The following SLCO4C1 variants were observed in gnomAD, a reference collection of about 807,000 sequenced individuals.
The protein encoded by SLCO4C1 is organic anion transporter M1.
A neutral mutation model predicts 72.1 loss-of-function variants in SLCO4C1; 58 were observed. The ratio of observed to expected loss-of-function variants is 0.80; its 90% CI spans 0.65 to 1.00. The LOEUF (loss-of-function observed/expected upper bound fraction) is 1.00. Among genes scored for constraint, SLCO4C1 ranks in the 50% least tolerant of loss-of-function variants. The probability of loss-of-function intolerance (pLI) is 0.00; values close to 1 mark genes in which losing one functional copy is unlikely to be tolerated. For missense variants in SLCO4C1, 898 were observed against 857.9 expected (o/e 1.05, Z -0.58); for synonymous variants, 297 against 312.5 (o/e 0.95, Z 0.52).
At chr5:102,287,635 C>A (rs1419320898) in intron 2 of SLCO4C1, among the ~76,000 whole-genome samples, 2 of 151,036 alleles carry the variant, frequency 1.3e-5, no homozygotes, top group African/African-American at 4.9e-5. Context: ...ACCTCGGCCT[C>A]CCTGCTTCAA....
Position 102,270,766 on chromosome 5 carries a change from A to G in SLCO4C1, c.660T>C (p.Ser220=). The part of the protein sequence containing the change: ...VTTRNSTSCT[S]STSSLSNYLY... ...AGTAGTTAGAAAGTGAAGAAGTTGA[A>G]GATGTACAACTGGTGCTATTCCTTG... The change falls in exon 3 of 13, where the codon TCT becomes TCC. Residue 220 remains serine (S), a synonymous_variant. Transcript: ENST00000310954. 1 of 1,612,490 alleles carries G rather than the reference A, an allele frequency of 6.2e-7. No homozygotes were observed. The highest frequency in any genetic ancestry group is 8.5e-7 in the Non-Finnish European group (1 of 1,179,094).
chr5:102,256,800 A>G (rs1417848167), intron 8 of SLCO4C1, among the ~76,000 whole-genome samples: 1 of 152,230 alleles, frequency 6.6e-6, no homozygotes, highest in Non-Finnish European at 1.5e-5. Context: ...ATAAAAGCAT[A>G]TAATGTGAAA....
At chr5:102,286,912 T>C (rs1749463185) in intron 2 of SLCO4C1, among the ~76,000 whole-genome samples, 1 of 152,154 alleles carries the variant, frequency 6.6e-6, no homozygotes, top group Non-Finnish European at 1.5e-5. Flanking sequence ...TTTTATGTTT[T>C]TTTCTACTTA....
intron 8 of SLCO4C1, among the ~76,000 whole-genome samples, chr5:102,253,898 A>G (rs2112351227): frequency 6.6e-6 from 1 of 152,172 alleles, no homozygotes; most frequent in African/African-American, 2.4e-5. Context: ...ATCATATAAT[A>G]TACCCAGGTA....
At position 102,244,443 on chromosome 5, in the gene SLCO4C1, G is replaced by A. The variant is rs532277715; in HGVS notation, c.1811+2809C>T. Among the ~76,000 whole-genome samples, 6 of 152,144 alleles carry A rather than the reference G, an allele frequency of 3.9e-5. No individual in the cohort carries two copies. The East Asian group carries it at 1.2e-3, about 29-fold the overall frequency. ...TAAGAGTTATTGGTCATAAAGAAGA[G>A]GTAGAGAAAAAGATGGGTAAGAAAG... On this transcript the variant is annotated intron_variant, in intron 10 of 12. Coordinates refer to ENST00000310954, the MANE Select transcript of SLCO4C1 (RefSeq NM_180991.5).
intron 12 of SLCO4C1, among the ~76,000 whole-genome samples, chr5:102,238,971 T>G (rs1199122293): frequency 6.6e-6 from 1 of 152,128 alleles, no homozygotes; most frequent in Non-Finnish European, 1.5e-5. Context: ...CCAAAAATGT[T>G]TGAGATAAGT....
rs766642249 is a variant in SLCO4C1 at position 102,247,268 on chromosome 5, T to C, written c.1795A>G (p.Thr599Ala). ...GCTACATACCTTAGGATAGACACAG[T>C]TATAGGAGTACCGGCCATAAAGGTA... ...IFTFMAGTPITVSILRCVNHR... is the reference protein window; with the variant it reads ...IFTFMAGTPIAVSILRCVNHR... The change falls in exon 10 of 13, where the codon ACT becomes GCT. Residue 599 changes from threonine to alanine, a missense_variant. Thr to Ala is a moderately conservative substitution (Grantham distance 58, BLOSUM62 0). Transcript: ENST00000310954. 4.5e-6 allele frequency: 7 copies of C among 1,565,120 alleles called. No homozygotes were observed. Among genetic ancestry groups the C allele is most frequent in the Non-Finnish European group, 6.1e-6 (7 of 1,147,274 alleles).
Position 102,296,179 on chromosome 5 carries a change from G to A in SLCO4C1, c.84C>T (p.Ser28=). 1 of 1,608,962 alleles carries A rather than the reference G, an allele frequency of 6.2e-7. No homozygotes were observed. The highest frequency in any genetic ancestry group is 8.5e-7 in the Non-Finnish European group (1 of 1,177,168). ...DILRRLSASP[S]QIEVSALSSD... ...AGGACAAGGCAGAGACTTCGATTTG[G>A]GAGGGCGACGCAGACAAGCGGCGCA... Residue 28 remains serine (S), a synonymous_variant, in exon 1 of 13, where the codon TCC becomes TCT. Coordinates refer to ENST00000310954, the MANE Select transcript of SLCO4C1 (RefSeq NM_180991.5).
intron 10 of SLCO4C1, among the ~76,000 whole-genome samples, chr5:102,243,776 A>C (rs1748589050): frequency 1.3e-5 from 2 of 152,246 alleles, no homozygotes; most frequent in Admixed American, 1.3e-4. Flanking sequence ...AGAAACAGAA[A>C]TATGTGACGT....
intron 3 of SLCO4C1, among the ~76,000 whole-genome samples, chr5:102,270,195 A>T (rs1749123299): frequency 6.6e-6 from 1 of 152,154 alleles, no homozygotes; most frequent in Admixed American, 6.5e-5. Flanking sequence ...TGCTACCAGG[A>T]ATTAGATCAC....
chr5:102,247,160 G>A (rs919087679), intron 10 of SLCO4C1, 92 bp downstream of exon 10: 2 of 966,014 alleles, frequency 2.1e-6, no homozygotes, highest in East Asian at 2.6e-5. Flanking sequence ...TTGAACCAAT[G>A]GTCAATATGA....
At chr5:102,271,630 A>T (rs2548725) in intron 2 of SLCO4C1, among the ~76,000 whole-genome samples, 52,341 of 151,522 alleles carry the variant, frequency 0.35, 9,428 homozygotes, top group East Asian at 0.54. Flanking sequence ...ATAATTTTTT[A>T]AATTTCATTT....
intron 2 of SLCO4C1, among the ~76,000 whole-genome samples, chr5:102,290,040 T>C (rs537743393): frequency 3.9e-5 from 6 of 152,296 alleles, no homozygotes; most frequent in African/African-American, 1.4e-4. Context: ...CTGAGGTATT[T>C]ATATAGAAAA....
At chr5:102,279,123 TACTATC>T (rs1749307526) in intron 2 of SLCO4C1, among the ~76,000 whole-genome samples, 1 of 151,814 alleles carries the variant, frequency 6.6e-6, no homozygotes, top group Non-Finnish European at 1.5e-5. Context: ...AGTAGACAAA[TACTATC>T]AATATCAGGA....
chr5:102,290,369 T>G (rs1436760772), intron 2 of SLCO4C1, among the ~76,000 whole-genome samples: 1 of 152,216 alleles, frequency 6.6e-6, no homozygotes, highest in African/African-American at 2.4e-5. Context: ...ACAAACAGTT[T>G]TGTTGGGAAC....
chr5:102,263,813 A>G lies in SLCO4C1; in HGVS notation c.803-33T>C, dbSNP rs367958965. The G allele has an allele frequency of 2.0e-6, 3 of 1,521,376 alleles. No homozygotes were observed. In the African/African-American group the frequency reaches 4.1e-5, roughly 21 times the overall value. 94.2% of individuals were successfully genotyped at this position (1,521,376 alleles called of 1,614,324 possible). On this transcript the variant is annotated intron_variant, in intron 3 of 12. Coordinates refer to ENST00000310954, the MANE Select transcript of SLCO4C1 (RefSeq NM_180991.5). ...AAGAACAGAGACATTGAATACAGTC[A>G]TATGTACAACTTCACTTTGCATATC...
intron 3 of SLCO4C1, among the ~76,000 whole-genome samples, chr5:102,264,596 C>T (rs1180336976): frequency 1.3e-5 from 2 of 151,318 alleles, no homozygotes; most frequent in Non-Finnish European, 2.9e-5. Context: ...ACACCCATCA[C>T]CTCATACATT....
At chr5:102,261,774 CAA>C in intron 5 of SLCO4C1, 136 bp downstream of exon 5, 1 of 833,144 alleles carries the variant, frequency 1.2e-6, no homozygotes, top group Non-Finnish European at 1.7e-6. Context: ...GAAGAATATT[CAA>C]AAGTTTACAT....
intron 3 of SLCO4C1, among the ~76,000 whole-genome samples, chr5:102,265,428 C>A (rs184771026): frequency 3.9e-4 from 59 of 152,182 alleles, no homozygotes; most frequent in Admixed American, 7.2e-4. Flanking sequence ...CCTATGTTTT[C>A]CTCTGGTAAT....
Sources: gnomAD v4.1 joint callset for allele counts (sites outside exome capture counted in the v4.1 genomes callset) on GRCh38, gnomAD v4.1.1 for gene constraint, MANE v1.5 for transcripts, NCBI Gene and HGNC (gene_info 2026-07-23, HGNC 2026-07-21) for gene names.